Variants in MEX3C observed in about 807,000 individuals in gnomAD.
The protein encoded by MEX3C is RNA-binding E3 ubiquitin-protein ligase MEX3C.
A neutral mutation model predicts 35.5 loss-of-function variants in MEX3C; 15 were observed. The observed-to-expected ratio is 0.42, with a 90% CI of 0.28 to 0.65. The LOEUF is 0.65. Among genes scored for constraint, MEX3C ranks in the 30% least tolerant of loss-of-function variants. MEX3C has a pLI of 0.20. For synonymous variants in MEX3C, 390 were observed against 352.8 expected, an observed-to-expected ratio of 1.11 and a Z score of -1.18; for missense variants, 711 against 842.8, an observed-to-expected ratio of 0.84 and a Z score of 1.94.
rs1348236192 is a variant in MEX3C, at chr18:51,177,764, C to T, written c.755-188G>A. Among the ~76,000 whole-genome samples, 1 of 152,178 alleles carries T rather than the reference C, an allele frequency of 6.6e-6. No homozygotes were observed. Among genetic ancestry groups the T allele is most frequent in the African/African-American group, 2.4e-5 (1 of 41,436 alleles). Reference sequence around the variant, plus strand: ...TGACTTAAAATCTGTGGTCTTTTTGCTAGTCCAAGAACCTCGATTTTCACA... The same window carrying T: ...TGACTTAAAATCTGTGGTCTTTTTGTTAGTCCAAGAACCTCGATTTTCACA... On this transcript the variant is annotated intron_variant, in intron 1 of 1. Coordinates refer to ENST00000406189, the MANE Select transcript of MEX3C (RefSeq NM_016626.5). This position sits in a 1 kb window ranked among gnomAD's most constrained non-coding sequence, Gnocchi z 4.2.
At chr18:51,188,664 C>T (rs998534651) in intron 1 of MEX3C, among the ~76,000 whole-genome samples, 22 of 149,892 alleles carry the variant, frequency 1.5e-4, no homozygotes, top group African/African-American at 4.9e-4. Flanking sequence ...CCAATTAAAA[C>T]AATATGGAAA....
At position 51,176,323 on chromosome 18, in the gene MEX3C, G is replaced by A; in HGVS notation, c.*28C>T. Reference sequence around the variant, plus strand: ...CCATGCCTTTACGAGTCCATATAGAGATATAGTATTTATGTATATATATAT... The same window carrying A: ...CCATGCCTTTACGAGTCCATATAGAAATATAGTATTTATGTATATATATAT... On this transcript the variant is annotated 3_prime_UTR_variant, in exon 2 of 2. Transcript: ENST00000406189. 6.4e-7 allele frequency: 1 copy of A among 1,556,670 alleles called. No homozygotes were observed. Among genetic ancestry groups the A allele is most frequent in the South Asian group, 1.2e-5 (1 of 82,456 alleles).
intron 1 of MEX3C, among the ~76,000 whole-genome samples, chr18:51,188,954 G>A (rs1179868996): frequency 1.3e-5 from 2 of 152,104 alleles, no homozygotes; most frequent in Non-Finnish European, 1.5e-5. Flanking sequence ...GCTGATTTTT[G>A]TCTACTTGTT....
rs1912810840 is a variant in MEX3C at position 51,196,876 on chromosome 18, C to T, written c.445G>A (p.Ala149Thr). 1.3e-6 allele frequency: 2 copies of T among 1,539,852 alleles called. No individual in the cohort carries two copies. The highest frequency in any genetic ancestry group is 1.7e-6 in the Non-Finnish European group (2 of 1,145,568). ...ATCTGCTGGGTCTGAGAGGCGGTGG[C>T]CGCGGGCGGCGACAGCAGCAGCAGC... The part of the protein sequence containing the change: ...SSLLLLSPPA[A>T]TASQTQQIPG... The change falls in exon 1 of 2, where the codon GCC (alanine) becomes ACC (threonine). Residue 149 changes from alanine to threonine, a missense_variant. Ala to Thr is a moderately conservative substitution (Grantham distance 58). Coordinates refer to ENST00000406189, the MANE Select transcript of MEX3C (RefSeq NM_016626.5).
chr18:51,196,771 C>A lies in MEX3C; in HGVS notation c.550G>T (p.Ala184Ser). The A allele has an allele frequency of 6.7e-7, 1 of 1,491,702 alleles. No homozygotes were observed. The highest frequency in any genetic ancestry group is 2.1e-5 in the Admixed American group (1 of 46,702). 92.4% of individuals were successfully genotyped at this position (1,491,702 alleles called of 1,614,324 possible). The stretch of plus-strand genomic sequence containing the variant: ...TCGTCCCCTCCGTACAGCACCCCCG[C>A]CGCCGCCGCCGCGGCCGCCGCCTCC... ...AREAAAAAAA[A>S]GVLYGGDDAQ... is the part of the protein sequence containing the mutation. Residue 184 changes from alanine to serine, a missense_variant, in exon 1 of 2, where the codon GCG (alanine) becomes TCG (serine). By Grantham distance (99) the Ala-to-Ser change is moderately conservative (BLOSUM62 1). Transcript: ENST00000406189.
rs370934333 is a variant in MEX3C at position 51,176,450 on chromosome 18, G to C, written c.1881C>G (p.Leu627=). ...IAALVPCGHN[L]FCMECANKIC... ...TCTTGTTGGCACATTCCATGCAGAA[G>C]AGGTTGTGGCCACATGGAACTAGGG... Residue 627 remains leucine (L), a synonymous_variant, in exon 2 of 2, where the codon CTC becomes CTG. Coordinates refer to ENST00000406189, the MANE Select transcript of MEX3C (RefSeq NM_016626.5). 1 of 1,614,034 alleles carries C rather than the reference G, an allele frequency of 6.2e-7. No homozygotes were observed. Among genetic ancestry groups the C allele is most frequent in the East Asian group, 2.2e-5 (1 of 44,892 alleles).
chr18:51,196,765 C>G lies in MEX3C; in HGVS notation c.556G>C (p.Val186Leu). The G allele has an allele frequency of 6.7e-7, 1 of 1,494,536 alleles. No individual in the cohort carries two copies. Among genetic ancestry groups the G allele is most frequent in the East Asian group, 2.5e-5 (1 of 39,534 alleles). 92.6% of individuals were successfully genotyped at this position (1,494,536 alleles called of 1,614,324 possible). ...EAAAAAAAAG[V>L]LYGGDDAQGM... ...TGGGCATCGTCCCCTCCGTACAGCACCCCCGCCGCCGCCGCCGCGGCCGCC... is the reference window on the plus strand; with the variant it reads ...TGGGCATCGTCCCCTCCGTACAGCAGCCCCGCCGCCGCCGCCGCGGCCGCC... The change falls in exon 1 of 2, where the codon GTG becomes CTG. Residue 186 changes from valine to leucine, a missense_variant. By Grantham distance (32) the Val-to-Leu change is conservative (BLOSUM62 1). Transcript: ENST00000406189.
intron 1 of MEX3C, among the ~76,000 whole-genome samples, chr18:51,181,057 T>C (rs1912417072): frequency 6.6e-6 from 1 of 152,224 alleles, no homozygotes. Flanking sequence ...TTTTGTAATT[T>C]TGCAGGTGAC....
At chr18:51,186,903 G>A (rs1912552606) in intron 1 of MEX3C, among the ~76,000 whole-genome samples, 2 of 152,156 alleles carry the variant, frequency 1.3e-5, no homozygotes, top group South Asian at 2.1e-4. Context: ...ACCCTTACAA[G>A]CAAACATCAC....
chr18:51,188,032 A>G (rs1912576575), intron 1 of MEX3C, among the ~76,000 whole-genome samples: 1 of 152,234 alleles, frequency 6.6e-6, no homozygotes, highest in African/African-American at 2.4e-5. Flanking sequence ...ATTTTAAGTA[A>G]TAATTTAAGA....
intron 1 of MEX3C, among the ~76,000 whole-genome samples, chr18:51,178,995 T>C (rs1176335741): frequency 6.6e-6 from 1 of 151,492 alleles, no homozygotes; most frequent in Non-Finnish European, 1.5e-5. Flanking sequence ...TATATCACTT[T>C]AGTCAGATGA....
rs1912300921 is a variant in MEX3C at position 51,176,315 on chromosome 18, CATATAG to C, written c.*30_*35del. 1 of 1,531,586 alleles carries C rather than the reference CATATAG, an allele frequency of 6.5e-7. No individual in the cohort carries two copies. The highest frequency in any genetic ancestry group is 8.8e-7 in the Non-Finnish European group (1 of 1,135,662). 94.9% of individuals were successfully genotyped at this position (1,531,586 alleles called of 1,614,324 possible). On this transcript the variant is annotated 3_prime_UTR_variant, in exon 2 of 2. Coordinates refer to ENST00000406189, the MANE Select transcript of MEX3C (RefSeq NM_016626.5). ...CATTATACCCATGCCTTTACGAGTCCATATAGAGATATAGTATTTATGTATATATAT... is the reference window on the plus strand; with the variant it reads ...CATTATACCCATGCCTTTACGAGTCCAGATATAGTATTTATGTATATATAT...
intron 1 of MEX3C, among the ~76,000 whole-genome samples, chr18:51,179,170 A>C (rs912207206): frequency 6.6e-6 from 1 of 151,780 alleles, no homozygotes; most frequent in Non-Finnish European, 1.5e-5. Context: ...CACCTGGATA[A>C]TTTTTTGTAT....
intron 1 of MEX3C, chr18:51,194,995 T>G (rs986374366): frequency 2.6e-5 from 4 of 152,216 alleles, no homozygotes; most frequent in Non-Finnish European, 4.4e-5. Flanking sequence ...CTAAATACAC[T>G]ATAGTTAGTG....
chr18:51,187,855 GCTC>G (rs1212025562), intron 1 of MEX3C, among the ~76,000 whole-genome samples: 4 of 152,138 alleles, frequency 2.6e-5, no homozygotes, highest in Non-Finnish European at 4.4e-5. Context: ...ATATTCAAAA[GCTC>G]CTTTCATTTT....
At chr18:51,195,207 C>A (rs964393513) in intron 1 of MEX3C, 3 of 152,214 alleles carry the variant, frequency 2.0e-5, no homozygotes, top group African/African-American at 7.2e-5. Flanking sequence ...CAAAAGTTTT[C>A]TCCTGGATTA....
chr18:51,176,967 G>C lies in MEX3C; in HGVS notation c.1364C>G (p.Thr455Arg). The C allele has an allele frequency of 6.2e-7, 1 of 1,614,044 alleles. No homozygotes were observed. Among genetic ancestry groups the C allele is most frequent in the Non-Finnish European group, 8.5e-7 (1 of 1,179,904 alleles). ...CCTATTGCTTCCAAAGTAGGAATCT[G>C]TAGAGCCACTTCCTAGAGAACTGGA... is the stretch of plus-strand genomic sequence containing the variant. ...DSSSSLGSGS[T>R]DSYFGSNRLA... Residue 455 changes from threonine (T) to arginine (R), a missense_variant, in exon 2 of 2, where the codon ACA becomes AGA. By Grantham distance (71) the Thr-to-Arg change is moderately conservative (BLOSUM62 -1). Transcript: ENST00000406189.
intron 1 of MEX3C, among the ~76,000 whole-genome samples, chr18:51,178,002 C>A (rs562346475): frequency 6.6e-6 from 1 of 151,966 alleles, no homozygotes; most frequent in Admixed American, 6.6e-5. Context: ...GGTGTACTCA[C>A]GCTAGTAACT....
intron 1 of MEX3C, chr18:51,196,357 T>C: frequency 2.5e-6 from 3 of 1,202,362 alleles, no homozygotes; most frequent in Non-Finnish European, 3.3e-6. Context: ...AACTTCACAC[T>C]TTTTACCAGG....
Sources: allele counts gnomAD v4.1 joint callset (sites outside exome capture counted in the v4.1 genomes callset), GRCh38; gene constraint gnomAD v4.1.1; non-coding constraint Gnocchi (gnomAD v3.1); transcripts MANE v1.5; gene names NCBI Gene and HGNC (gene_info 2026-07-23, HGNC 2026-07-21).